TNIP1: variants seen among roughly 807,000 people sequenced by gnomAD.
The protein encoded by TNIP1 is TNFAIP3 interacting protein 1, also known as TNFAIP3-interacting protein 1.
TNIP1 carries 22 observed loss-of-function variants against 86.6 expected under a neutral mutation model. The ratio of observed to expected loss-of-function variants is 0.25; its 90% CI spans 0.18 to 0.36. TNIP1 has a LOEUF of 0.36. Ranked by LOEUF, TNIP1 falls within the 10% of genes least tolerant of loss-of-function variation. The pLI, the probability that TNIP1 is intolerant of heterozygous loss-of-function variation, is 1.00. For missense variants in TNIP1, 709 were observed against 820.6 expected (o/e 0.86, Z 1.66); for synonymous variants, 294 against 313.0 (o/e 0.94, Z 0.64).
chr5:151,075,871 G>A (rs1763332618), intron 1 of TNIP1, among the ~76,000 whole-genome samples: 1 of 152,152 alleles, frequency 6.6e-6, no homozygotes, highest in African/African-American at 2.4e-5. Context: ...ACCTGCCCTG[G>A]CCTCTCAGCA....
In TNIP1 at chr5:151,065,802, G is replaced by A. The variant is rs778534582; in HGVS notation, c.-36-671C>T. ...ATTTAATACACTGTCACCCTCCTCCGTGAGTCTCATATCATATATGGTCTG... is the reference window on the plus strand; with the variant it reads ...ATTTAATACACTGTCACCCTCCTCCATGAGTCTCATATCATATATGGTCTG... On this transcript the variant is annotated intron_variant, in intron 1 of 17. Coordinates refer to ENST00000521591, the MANE Select transcript of TNIP1 (RefSeq NM_006058.5). Among the ~76,000 whole-genome samples the A allele has an allele frequency of 3.9e-5, 6 of 152,238 alleles. No individual in the cohort carries two copies. In the East Asian group the frequency reaches 5.8e-4, roughly 15 times the overall value.
At chr5:151,079,812 T>G (rs947334221) in intron 1 of TNIP1, among the ~76,000 whole-genome samples, 15 of 152,154 alleles carry the variant, frequency 9.9e-5, no homozygotes, top group Admixed American at 6.5e-5. Flanking sequence ...TTGTCAAGGA[T>G]TTTTTTAAAA....
chr5:151,062,331 GGA>G, intron 3 of TNIP1, 119 bp from the exon 4 acceptor site: 1 of 871,988 alleles, frequency 1.1e-6, no homozygotes, highest in Non-Finnish European at 1.8e-6. Context: ...CTCGAGTGTG[GGA>G]GAATGGGAGG....
At chr5:151,084,240 T>C (rs1481625897), upstream of TNIP1, among the ~76,000 whole-genome samples, 1 of 150,120 alleles carries the variant, frequency 6.7e-6, no homozygotes, top group South Asian at 2.1e-4. Flanking sequence ...AGGTCAGGAG[T>C]TCAAGACCAG....
At chr5:151,081,351 C>T (rs2113857071), upstream of TNIP1, among the ~76,000 whole-genome samples, 1 of 152,238 alleles carries the variant, frequency 6.6e-6, no homozygotes, top group Non-Finnish European at 1.5e-5. Context: ...CGGAGGCGAG[C>T]CACAGAGACC....
intron 12 of TNIP1, 92 bp downstream of exon 12, chr5:151,039,005 T>G (rs562425087): frequency 6.6e-7 from 1 of 1,512,232 alleles, no homozygotes; most frequent in Admixed American, 2.1e-5. Flanking sequence ...TTACCCTTCC[T>G]AAGCTGAATG....
At chr5:151,046,823 CTT>C (rs1260607395) in intron 8 of TNIP1, among the ~76,000 whole-genome samples, 3 of 152,162 alleles carry the variant, frequency 2.0e-5, no homozygotes, top group Admixed American at 6.5e-5. Context: ...AATAAATACT[CTT>C]GAGTTCATAC....
Position 151,062,011 on chromosome 5 carries a change from G to T in TNIP1, c.357+116C>A, listed in dbSNP as rs11747276. ...CGATGGACTTGCCCAATATCACCCA[G>T]CGAGACGGAACACAGTTTCTTGACC... On this transcript the variant is annotated intron_variant, in intron 4 of 17. Coordinates refer to ENST00000521591, the MANE Select transcript of TNIP1 (RefSeq NM_006058.5). 8 of 936,098 alleles carry T rather than the reference G, an allele frequency of 8.5e-6. No homozygotes were observed. The East Asian group carries it at 1.1e-4, about 13-fold the overall frequency. 58.0% of individuals were successfully genotyped at this position (936,098 alleles called of 1,614,324 possible). A position where few individuals can be genotyped will look rare whatever the true frequency, so the allele number is the denominator to read the frequency against.
At chr5:151,073,582 T>TTG (rs377380185) in intron 1 of TNIP1, among the ~76,000 whole-genome samples, 35 of 150,312 alleles carry the variant, frequency 2.3e-4, no homozygotes, top group South Asian at 1.9e-3. Flanking sequence ...CAAAAACACA[T>TTG]TGTGTGTGTG....
At chr5:151,050,066 C>T in intron 7 of TNIP1, 119 bp from the exon 8 acceptor site, 1 of 1,490,784 alleles carries the variant, frequency 6.7e-7, no homozygotes, top group South Asian at 1.3e-5. Flanking sequence ...ACTGCAGGAT[C>T]CTGAAACCTG....
chr5:151,073,572 C>G (rs1021620093), intron 1 of TNIP1, among the ~76,000 whole-genome samples: 8 of 115,690 alleles, frequency 6.9e-5, no homozygotes, highest in Admixed American at 3.1e-4. Flanking sequence ...CTATTTTTTT[C>G]AAAAACACAT....
intron 6 of TNIP1, among the ~76,000 whole-genome samples, chr5:151,054,510 G>C (rs1215901223): frequency 6.6e-6 from 1 of 152,096 alleles, no homozygotes; most frequent in African/African-American, 2.4e-5. Flanking sequence ...GCAAAACCCT[G>C]TCTCTACTAA....
chr5:151,081,117 C>G (rs1200770784), upstream of TNIP1: 1 of 152,194 alleles, frequency 6.6e-6, no homozygotes. Context: ...GCCGCGCGCT[C>G]CGGGCGGGCC....
intron 1 of TNIP1, among the ~76,000 whole-genome samples, chr5:151,071,323 G>GT (rs1561535560): frequency 6.6e-6 from 1 of 152,106 alleles, no homozygotes; most frequent in Non-Finnish European, 1.5e-5. Context: ...GTCTCATATA[G>GT]TAACAGCTGG....
intron 5 of TNIP1, among the ~76,000 whole-genome samples, chr5:151,058,281 C>T (rs1167481952): frequency 1.3e-5 from 2 of 152,180 alleles, no homozygotes; most frequent in Non-Finnish European, 2.9e-5. Flanking sequence ...ACCCAAGACT[C>T]AAAACAGTTT....
chr5:151,049,232 G>A (rs934382771), intron 8 of TNIP1, among the ~76,000 whole-genome samples: 3 of 152,166 alleles, frequency 2.0e-5, no homozygotes, highest in African/African-American at 4.8e-5. Flanking sequence ...GAATGGTAAC[G>A]ACTGGGCAAG....
intron 5 of TNIP1, among the ~76,000 whole-genome samples, chr5:151,059,702 A>G (rs1761135514): frequency 6.6e-6 from 1 of 151,808 alleles, no homozygotes; most frequent in Admixed American, 6.6e-5. Context: ...AAGGAGATAT[A>G]GTTAGGAAAA....
intron 1 of TNIP1, among the ~76,000 whole-genome samples, chr5:151,067,596 C>T (rs1193106594): frequency 2.6e-5 from 4 of 152,166 alleles, no homozygotes; most frequent in Non-Finnish European, 1.5e-5. Context: ...CAGTCAACAC[C>T]ACATGAAGGC....
intron 9 of TNIP1, among the ~76,000 whole-genome samples, chr5:151,043,375 C>G (rs1758706268): frequency 6.6e-6 from 1 of 152,142 alleles, no homozygotes; most frequent in Non-Finnish European, 1.5e-5. Context: ...GGCTAATCAT[C>G]TCAGCAATAC....
Sources: gnomAD v4.1 joint callset for allele counts (sites outside exome capture counted in the v4.1 genomes callset) on GRCh38, gnomAD v4.1.1 for gene constraint, MANE v1.5 for transcripts, NCBI Gene and HGNC (gene_info 2026-07-23, HGNC 2026-07-21) for gene names.